The following ZNF804B variants were observed in gnomAD, a reference collection of about 807,000 sequenced individuals.
ZNF804B encodes zinc finger 804B.
A neutral mutation model predicts 101.4 loss-of-function variants in ZNF804B; 80 were observed. The observed-to-expected ratio is 0.79, with a 90% confidence interval of 0.66 to 0.95. The LOEUF is 0.95. Among genes scored for constraint, ZNF804B ranks in the 40% least tolerant of loss-of-function variants. The pLI is 0.00. For missense variants in ZNF804B, 1,673 were observed against 1,561.9 expected (o/e 1.07, Z -1.20); for synonymous variants, 622 against 558.8 (o/e 1.11, Z -1.59).
chr7:88,849,994 T>C (rs1166022191), intron 1 of ZNF804B, among the ~76,000 whole-genome samples: 1 of 152,068 alleles, frequency 6.6e-6, no homozygotes, highest in African/African-American at 2.4e-5. Flanking sequence ...TATAAATACA[T>C]GAAAAGACTT....
intron 1 of ZNF804B, among the ~76,000 whole-genome samples, chr7:89,073,820 T>C (rs1022999675): frequency 2.6e-5 from 4 of 152,224 alleles, no homozygotes; most frequent in African/African-American, 4.8e-5. Context: ...ATCCGCTTTT[T>C]ATTCTAAATT....
At chr7:89,116,126 C>T (rs1325557205) in intron 1 of ZNF804B, among the ~76,000 whole-genome samples, 2 of 151,470 alleles carry the variant, frequency 1.3e-5, no homozygotes, top group Non-Finnish European at 2.9e-5. Context: ...GTTCCCCAAG[C>T]TGGTCTTGAA....
rs73401130 is a variant in ZNF804B at position 89,292,627 on chromosome 7, A to C, written c.250-34717A>C. Among the ~76,000 whole-genome samples the C allele has an allele frequency of 3.5e-3, 534 of 152,090 alleles. 5 individuals carry two copies. The highest frequency in any genetic ancestry group is 0.012 in the African/African-American group (511 of 41,530). On this transcript the variant is annotated intron_variant, in intron 2 of 3. Transcript: ENST00000333190. The stretch of plus-strand genomic sequence containing the variant: ...AAAATCACCTTCACTGAAAATAGAC[A>C]AAAAAAGAAGTAAAGAACGAAGACC...
At chr7:88,856,230 AC>A in intron 1 of ZNF804B, among the ~76,000 whole-genome samples, 1 of 152,264 alleles carries the variant, frequency 6.6e-6, no homozygotes, top group East Asian at 1.9e-4. Context: ...GATTCTTCCT[AC>A]CCACGAGCAT....
Position 88,759,851 on chromosome 7 carries a change from C to A in ZNF804B, c.-126C>A, listed in dbSNP as rs575535849. 4 of 734,248 alleles carry A rather than the reference C, an allele frequency of 5.4e-6. No homozygotes were observed. The Admixed American group carries it at 9.1e-5, about 17-fold the overall frequency. 45.5% of individuals were successfully genotyped at this position (734,248 alleles called of 1,614,324 possible). On this transcript the variant is annotated 5_prime_UTR_variant, in exon 1 of 4. Transcript: ENST00000333190. ...CAGGGACGCGCTGCCACCGCCTCCC[C>A]CTGCGTCCTGCTGGCCGCGTCTTCT...
Position 88,951,833 on chromosome 7 carries a change from T to C in ZNF804B, c.108+191749T>C, listed in dbSNP as rs80288312. On this transcript the variant is annotated intron_variant, in intron 1 of 3. Coordinates refer to ENST00000333190, the MANE Select transcript of ZNF804B (RefSeq NM_181646.5). ...TTCTTTAACATATTTCTGAATAACT[T>C]CTAAAAGGATAAGTTTTTCTTCAAT... Among the ~76,000 whole-genome samples, 19 of 151,864 alleles carry C rather than the reference T, an allele frequency of 1.3e-4. No homozygotes were observed. In the East Asian group the frequency reaches 3.5e-3, roughly 28 times the overall value.
intron 1 of ZNF804B, among the ~76,000 whole-genome samples, chr7:88,899,532 C>T (rs1209584971): frequency 2.6e-5 from 4 of 152,176 alleles, no homozygotes; most frequent in Non-Finnish European, 5.9e-5. Flanking sequence ...TAAGAATTGC[C>T]TCAGCTCCTA....
chr7:89,042,004 A>G (rs150743713), intron 1 of ZNF804B, among the ~76,000 whole-genome samples: 495 of 152,292 alleles, frequency 3.3e-3, no homozygotes, highest in Middle Eastern at 0.01. Context: ...TTTAAAATAA[A>G]CTATTCCTAC....
At chr7:89,011,884 C>T (rs1788469151) in intron 1 of ZNF804B, among the ~76,000 whole-genome samples, 1 of 152,166 alleles carries the variant, frequency 6.6e-6, no homozygotes, top group African/African-American at 2.4e-5. Flanking sequence ...CTTCGCACAG[C>T]TCCACTCAGT....
chr7:89,277,490 CCCT>C (rs1262154273), intron 2 of ZNF804B, among the ~76,000 whole-genome samples: 10 of 51,098 alleles, frequency 2.0e-4, no homozygotes, highest in Non-Finnish European at 3.7e-4. Context: ...CCCCCCTCCC[CCCT>C]CCCCCCTACC....
chr7:88,813,313 G>A (rs1319216185), intron 1 of ZNF804B, among the ~76,000 whole-genome samples: 1 of 151,454 alleles, frequency 6.6e-6, no homozygotes, highest in Non-Finnish European at 1.5e-5. Context: ...TGTAGTCCCA[G>A]CTACTCCGGA....
intron 1 of ZNF804B, among the ~76,000 whole-genome samples, chr7:89,167,467 A>AAATAAATAAATT (rs371610618): frequency 2.4e-4 from 37 of 151,534 alleles, no homozygotes; most frequent in Middle Eastern, 3.4e-3. Flanking sequence ...ATAAATAAAT[A>AAATAAATAAATT]AATAATCCCT....
At chr7:89,009,433 TG>T (rs1562858488) in intron 1 of ZNF804B, among the ~76,000 whole-genome samples, 1 of 152,188 alleles carries the variant, frequency 6.6e-6, no homozygotes, top group East Asian at 1.9e-4. Context: ...ATTTAATACC[TG>T]TCAAATTGAA....
chr7:89,336,592 ACTT>A lies in ZNF804B; in HGVS notation c.3613_3615del (p.Ser1205del), dbSNP rs1791096966. The A allele has an allele frequency of 6.2e-7, 1 of 1,613,894 alleles. No homozygotes were observed. Among genetic ancestry groups the A allele is most frequent in the African/African-American group, 1.3e-5 (1 of 74,880 alleles). On this transcript the variant is annotated inframe_deletion, in exon 4 of 4. Coordinates refer to ENST00000333190, the MANE Select transcript of ZNF804B (RefSeq NM_181646.5). ...ACAGACAGTTCCAGTTCACCAGCAC[ACTT>A]CTATCACCACCATCCACCACACGTT...
intron 1 of ZNF804B, among the ~76,000 whole-genome samples, chr7:88,998,162 G>C (rs960842784): frequency 2.0e-5 from 3 of 151,926 alleles, no homozygotes; most frequent in Non-Finnish European, 4.4e-5. Flanking sequence ...TCTTTCTTTA[G>C]AACTACATTT....
chr7:88,936,190 G>C (rs1436567174), intron 1 of ZNF804B, among the ~76,000 whole-genome samples: 1 of 151,428 alleles, frequency 6.6e-6, no homozygotes, highest in Non-Finnish European at 1.5e-5. Context: ...GAATAAAAAA[G>C]TTAAAAGCAA....
chr7:88,805,029 G>C (rs1475106876), intron 1 of ZNF804B, among the ~76,000 whole-genome samples: 4 of 152,066 alleles, frequency 2.6e-5, no homozygotes, highest in Admixed American at 2.6e-4. Flanking sequence ...AAGTTTCAGT[G>C]GATAAAGTGG....
At chr7:88,920,729 T>A (rs1312458423) in intron 1 of ZNF804B, among the ~76,000 whole-genome samples, 1 of 152,040 alleles carries the variant, frequency 6.6e-6, no homozygotes, top group Admixed American at 6.6e-5. Flanking sequence ...TATAGAACAT[T>A]ATCTAGTAAA....
intron 1 of ZNF804B, among the ~76,000 whole-genome samples, chr7:89,069,641 A>G (rs1789505297): frequency 1.3e-5 from 2 of 152,088 alleles, no homozygotes; most frequent in South Asian, 2.1e-4. Context: ...ACAATATTCC[A>G]TTTTATGATT....
Sources: gnomAD v4.1 joint callset for allele counts (sites outside exome capture counted in the v4.1 genomes callset) on GRCh38, gnomAD v4.1.1 for gene constraint, MANE v1.5 for transcripts, NCBI Gene and HGNC (gene_info 2026-07-23, HGNC 2026-07-21) for gene names.